Variants in ERICH5 observed in about 807,000 individuals in gnomAD.
ERICH5 encodes glutamate-rich protein 5.
A neutral mutation model predicts 28.0 loss-of-function variants in ERICH5; 24 were observed. The ratio of observed to expected loss-of-function variants is 0.86; its 90% CI spans 0.62 to 1.21. ERICH5 has a LOEUF of 1.21. Among genes scored for constraint, ERICH5 ranks in the 50% most tolerant of loss-of-function variants. The pLI is 0.00. For missense variants in ERICH5, 421 were observed against 441.2 expected (o/e 0.95, Z 0.41); for synonymous variants, 163 against 157.6 (o/e 1.03, Z -0.25).
intron 1 of ERICH5, among the ~76,000 whole-genome samples, chr8:98,080,089 C>T (rs1398326692): frequency 6.6e-6 from 1 of 152,220 alleles, no homozygotes; most frequent in Non-Finnish European, 1.5e-5. Flanking sequence ...CTTGCAGATG[C>T]ACCAAGGCTG....
intron 1 of ERICH5, among the ~76,000 whole-genome samples, chr8:98,075,484 C>T (rs182908683): frequency 6.6e-6 from 1 of 151,278 alleles, no homozygotes; most frequent in East Asian, 1.9e-4. Flanking sequence ...GAAAATCCCC[C>T]CTTTGCTTAA....
Position 98,079,153 on chromosome 8 carries a change from CTTTTTTTTTTTCCTTT to C in ERICH5, c.59-9911_59-9896del, listed in dbSNP as rs1262897355. ...AGGATACCAGGGACCACATTTTCCT[CTTTTTTTTTTTCCTTT>C]TTTTTTTTTTTTTTTTTTTGAGACA... On this transcript the variant is annotated intron_variant, in intron 1 of 2. Coordinates refer to ENST00000318528, the MANE Select transcript of ERICH5 (RefSeq NM_173549.3). Among the ~76,000 whole-genome samples the C allele has an allele frequency of 4.6e-3, 613 of 132,390 alleles. 1 individual carries two copies. The highest frequency in any genetic ancestry group is 8.2e-3 in the Middle Eastern group (2 of 244). The allele number at this position is 132,390 out of a possible 152,430, so 86.9% of individuals were successfully genotyped here. A position where few individuals can be genotyped will look rare whatever the true frequency, so the allele number is the denominator to read the frequency against.
In ERICH5 at chr8:98,090,036, G is replaced by C. The variant is rs1815356010; in HGVS notation, c.1012+7G>C. ...GAGGACCAACGCATTGAAGGTAAAA[G>C]TTATGCTGGCAAACCTGGATGTTTA... On this transcript the variant is annotated splice_region_variant and intron_variant, in intron 2 of 2. Coordinates refer to ENST00000318528, the MANE Select transcript of ERICH5 (RefSeq NM_173549.3). 1.9e-6 allele frequency: 3 copies of C among 1,597,096 alleles called. No individual in the cohort carries two copies. In the African/African-American group the frequency reaches 4.0e-5, roughly 21 times the overall value.
intron 1 of ERICH5, among the ~76,000 whole-genome samples, chr8:98,066,058 C>CA (rs1275657345): frequency 6.6e-6 from 1 of 152,174 alleles, no homozygotes; most frequent in Admixed American, 6.5e-5. Flanking sequence ...AACCCCTTCT[C>CA]ACTGACAACA....
At position 98,089,651 on chromosome 8, in the gene ERICH5, G is replaced by C; in HGVS notation, c.634G>C (p.Asp212His). 6.2e-7 allele frequency: 1 copy of C among 1,614,092 alleles called. No individual in the cohort carries two copies. The highest frequency in any genetic ancestry group is 8.5e-7 in the Non-Finnish European group (1 of 1,179,970). Residue 212 changes from aspartate to histidine, a missense_variant, in exon 2 of 3, where the codon GAT becomes CAT. Physicochemically the swap from Asp to His is moderately conservative, Grantham distance 81. Coordinates refer to ENST00000318528, the MANE Select transcript of ERICH5 (RefSeq NM_173549.3). ...ACAACCTCAGGGCACAGTGGGAAAG[G>C]ATGAGCAGGCCCCGCTTCTAGAAAC... ...ELQPQGTVGKDEQAPLLETIS... is the reference protein window; with the variant it reads ...ELQPQGTVGKHEQAPLLETIS...
intron 1 of ERICH5, among the ~76,000 whole-genome samples, chr8:98,082,190 GTAT>G (rs1418159762): frequency 6.6e-6 from 1 of 152,060 alleles, no homozygotes; most frequent in Non-Finnish European, 1.5e-5. Flanking sequence ...CATTTTAAAG[GTAT>G]TATATGTCCT....
rs536285694 is a variant in ERICH5, at chr8:98,082,225, A to G, written c.59-6851A>G. 1.1e-3 allele frequency among the ~76,000 whole-genome samples: 165 copies of G among 152,356 alleles called. 2 individuals are homozygous for G. In the South Asian group the frequency reaches 0.034, roughly 31 times the overall value. ...TCCTTTGGGCTACCACAAAAAAAAT[A>G]TTAAAAGACAATGACATTCTTTTGT... On this transcript the variant is annotated intron_variant, in intron 1 of 2. Coordinates refer to ENST00000318528, the MANE Select transcript of ERICH5 (RefSeq NM_173549.3).
intron 1 of ERICH5, among the ~76,000 whole-genome samples, chr8:98,077,181 T>C (rs960971734): frequency 2.0e-5 from 3 of 152,182 alleles, no homozygotes; most frequent in African/African-American, 7.2e-5. Flanking sequence ...GTTGGAAAGA[T>C]TGAATGAGAT....
At chr8:98,087,432 G>A (rs1815302348) in intron 1 of ERICH5, among the ~76,000 whole-genome samples, 1 of 151,704 alleles carries the variant, frequency 6.6e-6, no homozygotes, top group Admixed American at 6.6e-5. Context: ...GAGGTGGATG[G>A]TAACTTAGAG....
chr8:98,086,967 AG>A (rs1815293414), intron 1 of ERICH5, among the ~76,000 whole-genome samples: 1 of 151,094 alleles, frequency 6.6e-6, no homozygotes, highest in Non-Finnish European at 1.5e-5. Context: ...AAAAAAAAAA[AG>A]GAAATGTGAA....
intron 1 of ERICH5, among the ~76,000 whole-genome samples, chr8:98,084,176 GC>G (rs1815232037): frequency 6.7e-6 from 1 of 148,516 alleles, no homozygotes; most frequent in South Asian, 2.1e-4. Flanking sequence ...GGCATGCTGT[GC>G]CCGGCCTATC....
intron 2 of ERICH5, among the ~76,000 whole-genome samples, chr8:98,091,589 G>T (rs1815383120): frequency 1.3e-5 from 2 of 152,232 alleles, no homozygotes; most frequent in South Asian, 4.1e-4. Context: ...GCACAGCCTT[G>T]TCAAAAGAGG....
intron 1 of ERICH5, among the ~76,000 whole-genome samples, chr8:98,070,660 CAAA>C (rs769042472): frequency 0.031 from 1,210 of 38,706 alleles, 12 homozygotes; most frequent in African/African-American, 0.1. Flanking sequence ...AACTGCATCT[CAAA>C]AAAAAAAAAA....
chr8:98,078,502 T>C (rs371502856), intron 1 of ERICH5, among the ~76,000 whole-genome samples: 41 of 152,332 alleles, frequency 2.7e-4, no homozygotes, highest in African/African-American at 9.9e-4. Flanking sequence ...ATAGGAAATA[T>C]TGACAAGATT....
intron 2 of ERICH5, among the ~76,000 whole-genome samples, 166 bp downstream of exon 2, chr8:98,090,195 C>G (rs1815359345): frequency 6.6e-6 from 1 of 152,118 alleles, no homozygotes; most frequent in Non-Finnish European, 1.5e-5. Flanking sequence ...AAGAGGCATT[C>G]TATTAATGCT....
In ERICH5 at chr8:98,089,616, C is replaced by G. The variant is rs746855901; in HGVS notation, c.599C>G (p.Ala200Gly). 1.9e-6 allele frequency: 3 copies of G among 1,614,130 alleles called. No individual in the cohort carries two copies. The highest frequency in any genetic ancestry group is 2.7e-5 in the African/African-American group (2 of 75,040). The change falls in exon 2 of 3, where the codon GCT (alanine) becomes GGT (glycine). Residue 200 changes from alanine (A) to glycine (G), a missense_variant. Ala to Gly is a moderately conservative substitution (Grantham distance 60, BLOSUM62 0). Coordinates refer to ENST00000318528, the MANE Select transcript of ERICH5 (RefSeq NM_173549.3). ...TTENVLTLQI[A>G]GELQPQGTVG... ...GAGAACGTTCTGACTCTGCAAATAG[C>G]TGGAGAGCTACAACCTCAGGGCACA...
At chr8:98,071,715 G>A (rs1321173657) in intron 1 of ERICH5, among the ~76,000 whole-genome samples, 1 of 151,886 alleles carries the variant, frequency 6.6e-6, no homozygotes, top group East Asian at 1.9e-4. Flanking sequence ...GTCCTGTAAT[G>A]ACTTCAGAAG....
rs1329034168 is a variant in ERICH5, at chr8:98,064,717, G to T, written c.48G>T (p.Arg16Ser). Residue 16 changes from arginine (R) to serine (S), a missense_variant, in exon 1 of 3, where the codon AGG becomes AGT. Physicochemically the swap from Arg to Ser is moderately radical, Grantham distance 110 (BLOSUM62 -1). Transcript: ENST00000318528. ...SALNKAGDSS[R>S]FPSVTSNEHF... ...TCAACAAGGCCGGCGACAGCAGCAGGTTCCCCAGCGGTGAGCAGGGTACCG... is the reference window on the plus strand; with the variant it reads ...TCAACAAGGCCGGCGACAGCAGCAGTTTCCCCAGCGGTGAGCAGGGTACCG... 3.3e-6 allele frequency: 5 copies of T among 1,533,150 alleles called. No individual in the cohort carries two copies. Among genetic ancestry groups the T allele is most frequent in the Non-Finnish European group, 4.4e-6 (5 of 1,143,168 alleles). 95.0% of individuals were successfully genotyped at this position (1,533,150 alleles called of 1,614,324 possible). A position where few individuals can be genotyped will look rare whatever the true frequency, so the allele number is the denominator to read the frequency against.
At chr8:98,068,989 A>G (rs1814863325) in intron 1 of ERICH5, among the ~76,000 whole-genome samples, 1 of 152,212 alleles carries the variant, frequency 6.6e-6, no homozygotes, top group Non-Finnish European at 1.5e-5. Flanking sequence ...GTTTTCACCC[A>G]ATATTTCACA....
Sources: gnomAD v4.1 joint callset for allele counts (sites outside exome capture counted in the v4.1 genomes callset) on GRCh38, gnomAD v4.1.1 for gene constraint, MANE v1.5 for transcripts, NCBI Gene and HGNC (gene_info 2026-07-23, HGNC 2026-07-21) for gene names.